DNMT1: variants seen among roughly 807,000 people sequenced by gnomAD.
DNMT1 encodes the protein DNA methyltransferase 1, also known as DNA (cytosine-5)-methyltransferase 1.
A neutral mutation model predicts 205.3 loss-of-function variants in DNMT1; 24 were observed. The observed-to-expected ratio is 0.12, with a 90% CI of 0.08 to 0.16. The LOEUF is 0.16. Among genes scored for constraint, DNMT1 ranks in the 10% least tolerant of loss-of-function variants. The pLI is 1.00. For missense variants in DNMT1, 1,293 were observed against 2,177.7 expected, an observed-to-expected ratio of 0.59 and a Z score of 8.09; for synonymous variants, 817 against 839.8, an observed-to-expected ratio of 0.97 and a Z score of 0.47.
At chr19:10,180,618 C>A in intron 3 of DNMT1, 49 bp from the exon 4 acceptor site, 2 of 1,586,630 alleles carry the variant, frequency 1.3e-6, no homozygotes, top group South Asian at 2.2e-5. Flanking sequence ...AAACAAGTGT[C>A]AGAGAACAAG....
At position 10,140,499 on chromosome 19, in the gene DNMT1, A is replaced by C; in HGVS notation, c.3524-171T>G. On this transcript the variant is annotated intron_variant, in intron 32 of 40. Transcript: ENST00000359526. This position sits in a 1 kb window ranked among gnomAD's most constrained non-coding sequence, Gnocchi z 8.4. ...ATTCTCCCACCTCAGCCTCCTGAGT[A>C]GCTGGGACTACAGGCACACACCACC... The C allele has an allele frequency of 9.7e-7, 1 of 1,033,246 alleles. No individual in the cohort carries two copies. The highest frequency in any genetic ancestry group is 1.4e-6 in the Non-Finnish European group (1 of 707,150). The allele number at this position is 1,033,246 out of a possible 1,614,324, so 64.0% of individuals were successfully genotyped here.
intron 38 of DNMT1, 123 bp from the exon 39 acceptor site, chr19:10,135,975 G>A (rs973542240): frequency 8.8e-5 from 130 of 1,481,420 alleles, no homozygotes; most frequent in Non-Finnish European, 9.7e-5. Flanking sequence ...AGCTTGTCCC[G>A]TGGACGTGGA....
rs758616927 is a variant in DNMT1 at position 10,137,158 on chromosome 19, C to T, written c.4416G>A (p.Arg1472=). Residue 1472 remains arginine, a synonymous_variant, in exon 37 of 41, where the codon CGG becomes CGA. Coordinates refer to ENST00000359526, the MANE Select transcript of DNMT1 (RefSeq NM_001130823.3). This position sits in a 1 kb window ranked among gnomAD's most constrained non-coding sequence, Gnocchi z 6.4. The part of the protein sequence containing the change: ...LSDGTMARKL[R]YTHHDRKNGR... Reference sequence around the variant, plus strand: ...CGTTCTTCCTGTCATGGTGGGTATACCGCAGCTTCCTGGCCATGGTGCCGT... The same window carrying T: ...CGTTCTTCCTGTCATGGTGGGTATATCGCAGCTTCCTGGCCATGGTGCCGT... 7.5e-6 allele frequency: 12 copies of T among 1,609,846 alleles called. No individual in the cohort carries two copies. The highest frequency in any genetic ancestry group is 1.3e-5 in the African/African-American group (1 of 74,910).
At chr19:10,161,236 CAG>C (rs1484525499) in intron 13 of DNMT1, among the ~76,000 whole-genome samples, 1 of 152,108 alleles carries the variant, frequency 6.6e-6, no homozygotes, top group African/African-American at 2.4e-5. Context: ...ACCAGGGAGA[CAG>C]AGGTTGCAGT....
intron 27 of DNMT1, among the ~76,000 whole-genome samples, chr19:10,148,116 C>CAAAAAAAAAAAAAAAAAAAAAAA (rs35310173): frequency 1.7e-5 from 1 of 59,296 alleles, no homozygotes; most frequent in Non-Finnish European, 3.1e-5. Context: ...AACTCTGTCT[C>CAAAAAAAAAAAAAAAAAAAAAAA]AAAAAAAAAA....
intron 1 of DNMT1, among the ~76,000 whole-genome samples, chr19:10,188,033 T>G (rs531256220): frequency 6.6e-6 from 1 of 152,126 alleles, no homozygotes; most frequent in African/African-American, 2.4e-5. Flanking sequence ...TCCTAGCTAC[T>G]CAGGAGACTG....
intron 1 of DNMT1, among the ~76,000 whole-genome samples, chr19:10,186,476 T>G (rs886813811): frequency 2.0e-5 from 3 of 152,080 alleles, no homozygotes; most frequent in African/African-American, 7.2e-5. Flanking sequence ...GTGCCCAGCC[T>G]GAGACCCTAT....
intron 7 of DNMT1, 135 bp downstream of exon 7, chr19:10,175,405 G>A (rs2038920382): frequency 1.1e-6 from 1 of 894,126 alleles, no homozygotes; most frequent in Admixed American, 2.0e-5. Context: ...CATTCTATTG[G>A]TCCTGTCTCT....
rs2038340075 is a variant in DNMT1, at chr19:10,151,455, C to G, written c.2208G>C (p.Gln736His). 6.2e-7 allele frequency: 1 copy of G among 1,614,118 alleles called. No homozygotes were observed. Among genetic ancestry groups the G allele is most frequent in the East Asian group, 2.2e-5 (1 of 44,890 alleles). Residue 736 changes from glutamine (Q) to histidine (H), a missense_variant, in exon 24 of 41, where the codon CAG becomes CAC. Physicochemically the swap from Gln to His is conservative, Grantham distance 24. Around this residue, in one of 13 missense-constraint regions of DNMT1, gnomAD observed 197 missense variants for 353.6 expected, o/e 0.56. Coordinates refer to ENST00000359526, the MANE Select transcript of DNMT1 (RefSeq NM_001130823.3). This position sits in a 1 kb window ranked among gnomAD's most constrained non-coding sequence, Gnocchi z 5.0. Reference protein sequence around the residue: ...PEMPSPKKMHQGKKKKQNKNR... With the variant: ...PEMPSPKKMHHGKKKKQNKNR... ...TCTTGTTCTGTTTCTTCTTCTTCCC[C>G]TGGTGCATTTTTTTGGGTGACGGCA...
intron 9 of DNMT1, 88 bp downstream of exon 9, chr19:10,173,002 C>A: frequency 1.3e-6 from 2 of 1,497,570 alleles, no homozygotes; most frequent in South Asian, 1.1e-5. Context: ...TCCACGTTCC[C>A]CACCCCCTGT....
intron 30 of DNMT1, chr19:10,141,411 T>C (rs1362239709): frequency 3.6e-6 from 2 of 559,596 alleles, no homozygotes; most frequent in African/African-American, 3.8e-5. Context: ...GAAATGCCTA[T>C]TACAAGCACT....
intron 9 of DNMT1, among the ~76,000 whole-genome samples, chr19:10,171,487 A>G (rs1029958958): frequency 1.3e-5 from 2 of 152,000 alleles, no homozygotes; most frequent in South Asian, 2.1e-4. Context: ...CCTGGCCAAC[A>G]TGGTGAAACC....
chr19:10,134,154 C>T (rs1439811334), intron 40 of DNMT1, 63 bp downstream of exon 40: 20 of 1,582,576 alleles, frequency 1.3e-5, no homozygotes, highest in Non-Finnish European at 1.6e-5. Flanking sequence ...CCAGCAACTG[C>T]CCCCACATGT....
chr19:10,183,593 TGCCTGGAATCCCAA>T (rs2039123154), intron 1 of DNMT1, among the ~76,000 whole-genome samples: 5 of 152,266 alleles, frequency 3.3e-5, no homozygotes, highest in South Asian at 4.1e-4. Context: ...TGGTGGCTGA[TGCCTGGAATCCCAA>T]CATACAGCAG....
At position 10,151,902 on chromosome 19, in the gene DNMT1, G is replaced by C; in HGVS notation, c.2020-55C>G. On this transcript the variant is annotated intron_variant, in intron 22 of 40. Transcript: ENST00000359526. The surrounding 1 kb of genome is among the most constrained non-coding windows in gnomAD (Gnocchi z 5.0). The stretch of plus-strand genomic sequence containing the variant: ...GGGCTGGGCACAGTGGTTCATGCCT[G>C]TAATCCCAGTATTTCAGAAGGCCGA... 5 of 1,538,152 alleles carry C rather than the reference G, an allele frequency of 3.3e-6. No individual in the cohort carries two copies. Among genetic ancestry groups the C allele is most frequent in the Non-Finnish European group, 4.5e-6 (5 of 1,111,988 alleles).
intron 2 of DNMT1, among the ~76,000 whole-genome samples, chr19:10,181,571 G>A (rs545108089): frequency 1.0e-3 from 156 of 150,840 alleles, no homozygotes; most frequent in African/African-American, 2.7e-3. Flanking sequence ...GGTGGCTCAC[G>A]CCTGTAATTC....
rs755630709 is a variant in DNMT1 at position 10,175,523 on chromosome 19, G to C, written c.648+17C>G. ...CCAAGTTAAGGTAGAGTCAGGAAAT[G>C]AAAGCACTGGCCCTACCTGGTCTTT... On this transcript the variant is annotated intron_variant, in intron 7 of 40. Coordinates refer to ENST00000359526, the MANE Select transcript of DNMT1 (RefSeq NM_001130823.3). 1 of 1,613,740 alleles carries C rather than the reference G, an allele frequency of 6.2e-7. No homozygotes were observed. The highest frequency in any genetic ancestry group is 8.5e-7 in the Non-Finnish European group (1 of 1,179,782).
chr19:10,160,358 C>G lies in DNMT1; in HGVS notation c.1043+26G>C, dbSNP rs2241531. 0.1 allele frequency: 161,558 copies of G among 1,613,140 alleles called. 13,339 individuals are homozygous for G. The highest frequency in any genetic ancestry group is 0.42 in the East Asian group (18,672 of 44,840). On this transcript the variant is annotated intron_variant, in intron 14 of 40. Transcript: ENST00000359526. ...TCATTTTAACATTACCATCTGCTTT[C>G]GATAATGTCAAGAATAAATTCTTAC... is the stretch of plus-strand genomic sequence containing the variant.
At chr19:10,173,667 T>C (rs1465566131) in intron 8 of DNMT1, among the ~76,000 whole-genome samples, 3 of 151,964 alleles carry the variant, frequency 2.0e-5, no homozygotes, top group African/African-American at 4.8e-5. Flanking sequence ...AAGTTTTGAA[T>C]TTTTAGTAGA....
Sources: allele counts gnomAD v4.1 joint callset (sites outside exome capture counted in the v4.1 genomes callset), GRCh38; gene constraint gnomAD v4.1.1; regional missense constraint gnomAD v4.1.1; non-coding constraint Gnocchi (gnomAD v3.1); transcripts MANE v1.5; gene names NCBI Gene and HGNC (gene_info 2026-07-23, HGNC 2026-07-21).